The following CACNB4 variants were observed in gnomAD, a reference collection of about 807,000 sequenced individuals.
CACNB4 encodes the protein voltage-dependent L-type calcium channel subunit beta-4.
Under a neutral mutation model 71.2 loss-of-function variants are expected in CACNB4, and 32 were observed. The ratio of observed to expected loss-of-function variants is 0.45; its 90% confidence interval spans 0.34 to 0.60. The LOEUF (loss-of-function observed/expected upper bound fraction) is 0.60, where lower values mean the gene tolerates loss of function less well. CACNB4 is among the 20% of genes least tolerant of loss of function. CACNB4 has a pLI of 0.01. For missense variants in CACNB4, 464 were observed against 647.9 expected (o/e 0.72, Z 3.08); for synonymous variants, 231 against 236.9 (o/e 0.97, Z 0.23).
intron 2 of CACNB4, among the ~76,000 whole-genome samples, chr2:152,095,982 T>C (rs374838773): frequency 5.3e-5 from 8 of 152,232 alleles, no homozygotes; most frequent in South Asian, 2.1e-4. Flanking sequence ...GCAGCTGTTA[T>C]GCTTTCATAA....
At chr2:152,056,344 G>C (rs971769764) in intron 2 of CACNB4, among the ~76,000 whole-genome samples, 9 of 149,918 alleles carry the variant, frequency 6.0e-5, no homozygotes, top group African/African-American at 2.0e-4. Context: ...CTGGGTGACA[G>C]AGTGAGACTC....
At chr2:151,989,874 A>G (rs1474788633) in intron 2 of CACNB4, among the ~76,000 whole-genome samples, 2 of 152,216 alleles carry the variant, frequency 1.3e-5, no homozygotes, top group African/African-American at 4.8e-5. Flanking sequence ...TTGGAAATCT[A>G]GGAATCATCC....
chr2:151,855,461 T>C, intron 10 of CACNB4, 86 bp from the exon 11 acceptor site: 1 of 974,234 alleles, frequency 1.0e-6, no homozygotes, highest in East Asian at 2.7e-5. Context: ...TTCAGATATG[T>C]TGGTCTACAT....
At chr2:151,908,865 C>G (rs2099855451) in intron 2 of CACNB4, among the ~76,000 whole-genome samples, 1 of 152,066 alleles carries the variant, frequency 6.6e-6, no homozygotes. Flanking sequence ...AGTGTTTTCT[C>G]AAATTCCCTT....
intron 2 of CACNB4, among the ~76,000 whole-genome samples, chr2:152,037,450 G>A (rs866661475): frequency 6.6e-6 from 1 of 152,176 alleles, no homozygotes; most frequent in East Asian, 1.9e-4. Flanking sequence ...CAGAGGAATC[G>A]TGCCGTTCTT....
chr2:151,995,071 G>T (rs1681963880), intron 2 of CACNB4, among the ~76,000 whole-genome samples: 1 of 152,190 alleles, frequency 6.6e-6, no homozygotes, highest in South Asian at 2.1e-4. Flanking sequence ...TCTCTCAGAA[G>T]TATATGCTCA....
intron 2 of CACNB4, among the ~76,000 whole-genome samples, chr2:152,050,724 AT>A (rs1389230641): frequency 2.0e-5 from 3 of 151,152 alleles, no homozygotes; most frequent in South Asian, 2.1e-4. Context: ...TCTAAAAAAA[AT>A]TTTTTTTTAA....
chr2:151,960,867 A>C (rs887901462), intron 2 of CACNB4, among the ~76,000 whole-genome samples: 2 of 152,236 alleles, frequency 1.3e-5, no homozygotes, highest in African/African-American at 4.8e-5. Context: ...CAAAATTTCT[A>C]ATTAAAGTAT....
At chr2:151,967,482 T>C (rs1402269880) in intron 2 of CACNB4, 1 of 152,152 alleles carries the variant, frequency 6.6e-6, no homozygotes, top group Non-Finnish European at 1.5e-5. Context: ...TTTTTAAGTC[T>C]TATGGAGATT....
At position 151,976,962 on chromosome 2, in the gene CACNB4, C is replaced by G. The variant is rs537397138; in HGVS notation, c.148-93592G>C. 8.7e-4 allele frequency among the ~76,000 whole-genome samples: 132 copies of G among 152,280 alleles called. 1 individual carries two copies. The highest frequency in any genetic ancestry group is 2.8e-3 in the African/African-American group (115 of 41,536). ...GTGAAAAGCAACCAAGACACTGGCA[C>G]CTTCTTGGTTTTGACTTTAACAGTT... On this transcript the variant is annotated intron_variant, in intron 2 of 13. Transcript: ENST00000539935.
At chr2:151,870,146 T>C in intron 8 of CACNB4, 1 of 631,936 alleles carries the variant, frequency 1.6e-6, no homozygotes. Context: ...CTTTAAAGGT[T>C]TGGGTTTGCT....
chr2:152,063,974 A>T (rs901620429), intron 2 of CACNB4, among the ~76,000 whole-genome samples: 7 of 152,264 alleles, frequency 4.6e-5, no homozygotes, highest in Non-Finnish European at 8.8e-5. Flanking sequence ...CTATCTGCCA[A>T]CACAGGCTGA....
At chr2:152,075,281 A>T (rs991575447) in intron 2 of CACNB4, among the ~76,000 whole-genome samples, 1 of 152,248 alleles carries the variant, frequency 6.6e-6, no homozygotes, top group Non-Finnish European at 1.5e-5. Flanking sequence ...TTCCATCAAC[A>T]GCTCTGCTGG....
intron 2 of CACNB4, among the ~76,000 whole-genome samples, chr2:152,074,819 G>A (rs1257003884): frequency 1.3e-5 from 2 of 151,244 alleles, no homozygotes. Flanking sequence ...CACCACTATT[G>A]CCCCATCTTC....
intron 2 of CACNB4, among the ~76,000 whole-genome samples, chr2:151,892,202 G>T (rs1350383374): frequency 6.6e-6 from 1 of 152,174 alleles, no homozygotes; most frequent in Non-Finnish European, 1.5e-5. Context: ...TTGACTGAGA[G>T]ACGCTTTCTT....
intron 2 of CACNB4, among the ~76,000 whole-genome samples, chr2:152,062,059 T>C (rs1181701621): frequency 6.1e-5 from 8 of 130,418 alleles, no homozygotes; most frequent in African/African-American, 1.7e-4. Context: ...TGATTAGGAA[T>C]GCTTTCTGGA....
At chr2:152,063,287 AAGATAAC>A (rs770943900) in intron 2 of CACNB4, among the ~76,000 whole-genome samples, 46 of 152,348 alleles carry the variant, frequency 3.0e-4, no homozygotes, top group Middle Eastern at 6.8e-3. Context: ...TGGTAAATTA[AAGATAAC>A]AGCCAACACA....
At chr2:151,897,202 C>T (rs769263505) in intron 2 of CACNB4, among the ~76,000 whole-genome samples, 9 of 152,198 alleles carry the variant, frequency 5.9e-5, no homozygotes, top group Non-Finnish European at 1.2e-4. Flanking sequence ...GTCACTGGGC[C>T]ATGATCCACT....
At chr2:151,999,990 G>A (rs961020613) in intron 2 of CACNB4, among the ~76,000 whole-genome samples, 6 of 152,180 alleles carry the variant, frequency 3.9e-5, no homozygotes, top group African/African-American at 1.4e-4. Context: ...GGACACATAA[G>A]TATTGTATCA....
Sources: gnomAD v4.1 joint callset for allele counts (sites outside exome capture counted in the v4.1 genomes callset) on GRCh38, gnomAD v4.1.1 for gene constraint, MANE v1.5 for transcripts, NCBI Gene and HGNC (gene_info 2026-07-23, HGNC 2026-07-21) for gene names.